PDE7A: variants seen among roughly 807,000 people sequenced by gnomAD.
PDE7A encodes the protein phosphodiesterase 7A, also known as high affinity 3',5'-cyclic-AMP phosphodiesterase 7A.
PDE7A carries 39 observed loss-of-function variants against 64.3 expected under a neutral mutation model. The observed-to-expected ratio is 0.61, with a 90% confidence interval of 0.47 to 0.79. The LOEUF (loss-of-function observed/expected upper bound fraction) is 0.79. Among genes scored for constraint, PDE7A ranks in the 30% least tolerant of loss-of-function variants. The pLI is 0.00. For missense variants in PDE7A, 470 were observed against 582.8 expected (o/e 0.81, Z 1.99); for synonymous variants, 203 against 206.8 (o/e 0.98, Z 0.16).
intron 1 of PDE7A, among the ~76,000 whole-genome samples, chr8:65,783,176 C>T (rs1234489873): frequency 6.6e-6 from 1 of 152,054 alleles, no homozygotes; most frequent in African/African-American, 2.4e-5. Context: ...ATAGGAGTTG[C>T]CAAATATTAA....
Position 65,841,943 on chromosome 8 carries a change from C to A in PDE7A, c.-435G>T. 4.1e-6 allele frequency: 1 copy of A among 243,720 alleles called. No individual in the cohort carries two copies. Among genetic ancestry groups the A allele is most frequent in the South Asian group, 4.4e-5 (1 of 22,912 alleles). The allele number at this position is 243,720 out of a possible 1,614,324, so 15.1% of individuals were successfully genotyped here. On this transcript the variant is annotated 5_prime_UTR_variant, in exon 1 of 13. Transcript: ENST00000401827. The stretch of plus-strand genomic sequence containing the variant: ...GGCCAGACCCAGGGCGCGCGGGACT[C>A]AGGAGCAGCGACCAGCTCGGGCCGC...
At position 65,715,876 on chromosome 8, in the gene PDE7A, G is replaced by A. The variant is rs527950054; in HGVS notation, c.*3414C>T. On this transcript the variant is annotated 3_prime_UTR_variant, in exon 13 of 13. Coordinates refer to ENST00000401827, the MANE Select transcript of PDE7A (RefSeq NM_001242318.3). ...GGTGGCGGGCGCCTGTAGTCCCAGC[G>A]ACCTGGGAGACTGAGGCAGGAGAAT... Among the ~76,000 whole-genome samples the A allele has an allele frequency of 2.7e-4, 41 of 149,894 alleles. No homozygotes were observed. The highest frequency in any genetic ancestry group is 4.2e-4 in the South Asian group (2 of 4,730).
rs1168190421 is a variant in PDE7A, at chr8:65,724,866, G to A, written c.976C>T (p.Gln326Ter). The change falls in exon 10 of 13, where the codon CAG becomes TAG. Residue 326 changes from glutamine (Q) to a stop codon, truncating the protein, a stop_gained. Coordinates refer to ENST00000401827, the MANE Select transcript of PDE7A (RefSeq NM_001242318.3). LOFTEE classifies it high-confidence loss of function. ...ALILATDISRQNEYLSLFRSH... is the reference protein window; with the variant it reads ...ALILATDISR ...CTAAACAAAGACAGATACTCATTCT[G>A]GCGACTGATGTCTGTGGCTAGTATC... The A allele has an allele frequency of 1.2e-6, 2 of 1,610,416 alleles. No homozygotes were observed. Among genetic ancestry groups the A allele is most frequent in the Non-Finnish European group, 1.7e-6 (2 of 1,177,228 alleles).
At chr8:65,750,494 G>GTC (rs1563487004) in intron 3 of PDE7A, among the ~76,000 whole-genome samples, 1 of 144,770 alleles carries the variant, frequency 6.9e-6, no homozygotes, top group Non-Finnish European at 1.5e-5. Flanking sequence ...GTGTGTGTGT[G>GTC]TGTGTGTGTC....
rs967417164 is a variant in PDE7A, at chr8:65,714,639, T to C, written c.*4651A>G. 6.6e-6 allele frequency: 1 copy of C among 152,334 alleles called. No homozygotes were observed. The highest frequency in any genetic ancestry group is 2.4e-5 in the African/African-American group (1 of 41,584). 9.4% of individuals were successfully genotyped at this position (152,334 alleles called of 1,614,324 possible). Reference sequence around the variant, plus strand: ...AGCAATACTGAATTCCTATTAGCTATTGGTCACTGTGTATTTTCTCAATCA... The same window carrying C: ...AGCAATACTGAATTCCTATTAGCTACTGGTCACTGTGTATTTTCTCAATCA... On this transcript the variant is annotated 3_prime_UTR_variant, in exon 13 of 13. Coordinates refer to ENST00000401827, the MANE Select transcript of PDE7A (RefSeq NM_001242318.3).
intron 3 of PDE7A, among the ~76,000 whole-genome samples, chr8:65,766,763 G>T (rs765551206): frequency 2.0e-5 from 3 of 152,204 alleles, no homozygotes; most frequent in Non-Finnish European, 2.9e-5. Flanking sequence ...TCAGTCAGGA[G>T]ACCAAACAGG....
chr8:65,768,247 A>C (rs1243674468), intron 3 of PDE7A, among the ~76,000 whole-genome samples: 2 of 152,138 alleles, frequency 1.3e-5, no homozygotes, highest in Non-Finnish European at 2.9e-5. Context: ...AAAATATTCC[A>C]AATCTCTTAA....
intron 11 of PDE7A, 132 bp from the exon 12 acceptor site, chr8:65,723,753 A>G (rs1429917706): frequency 3.6e-6 from 2 of 554,708 alleles, no homozygotes; most frequent in East Asian, 7.3e-5. Flanking sequence ...CAGCTTCGCA[A>G]TTAGTTCTTT....
intron 1 of PDE7A, among the ~76,000 whole-genome samples, chr8:65,827,532 A>C (rs955814818): frequency 6.6e-6 from 1 of 152,182 alleles, no homozygotes; most frequent in African/African-American, 2.4e-5. Flanking sequence ...TTCATTTTTC[A>C]TTAAGAATGC....
intron 1 of PDE7A, among the ~76,000 whole-genome samples, chr8:65,783,933 G>A (rs1028377523): frequency 6.6e-6 from 1 of 152,072 alleles, no homozygotes; most frequent in Admixed American, 6.5e-5. Context: ...TGGAGGCAGG[G>A]TTTTCAGTCA....
chr8:65,727,474 T>G, intron 7 of PDE7A, 173 bp from the exon 8 acceptor site: 1 of 793,354 alleles, frequency 1.3e-6, no homozygotes, highest in Non-Finnish European at 1.9e-6. Context: ...CAGGTCCTGA[T>G]CTCATCACCA....
intron 11 of PDE7A, 71 bp from the exon 12 acceptor site, chr8:65,723,692 A>C: frequency 9.4e-7 from 1 of 1,065,546 alleles, no homozygotes; most frequent in Non-Finnish European, 1.3e-6. Context: ...TAAAGGCTTG[A>C]ACATACCTGT....
At position 65,727,495 on chromosome 8, in the gene PDE7A, G is replaced by C; in HGVS notation, c.697-194C>G. The C allele has an allele frequency of 4.9e-6, 3 of 611,472 alleles. No homozygotes were observed. In the South Asian group the frequency reaches 7.9e-5, roughly 16 times the overall value. The allele number at this position is 611,472 out of a possible 1,614,324, so 37.9% of individuals were successfully genotyped here. On this transcript the variant is annotated intron_variant, in intron 7 of 12. Coordinates refer to ENST00000401827, the MANE Select transcript of PDE7A (RefSeq NM_001242318.3). ...CTGATCTCATCACCACACTGGCAAA[G>C]CCATGATACAACAGTGGCCCTGCCC... is the stretch of plus-strand genomic sequence containing the variant.
At chr8:65,835,967 T>A (rs1328764396) in intron 1 of PDE7A, among the ~76,000 whole-genome samples, 1 of 152,212 alleles carries the variant, frequency 6.6e-6, no homozygotes, top group African/African-American at 2.4e-5. Flanking sequence ...GTATCTGAAA[T>A]ATAAACATAT....
intron 1 of PDE7A, among the ~76,000 whole-genome samples, chr8:65,814,963 C>T (rs929688884): frequency 6.6e-6 from 1 of 152,050 alleles, no homozygotes; most frequent in Admixed American, 6.6e-5. Flanking sequence ...CACCTGTAAT[C>T]CCAGCTACTC....
chr8:65,841,527 C>G lies in PDE7A; in HGVS notation c.-19G>C. The G allele has an allele frequency of 6.9e-7, 1 of 1,448,526 alleles. No homozygotes were observed. Among genetic ancestry groups the G allele is most frequent in the Non-Finnish European group, 9.1e-7 (1 of 1,103,906 alleles). The allele number at this position is 1,448,526 out of a possible 1,614,324, so 89.7% of individuals were successfully genotyped here. ...CTTCCATTGAATACGCCCGCCCTGCCTCCGCGCGGCGCCCGCCCTGCCGCG... is the reference window on the plus strand; with the variant it reads ...CTTCCATTGAATACGCCCGCCCTGCGTCCGCGCGGCGCCCGCCCTGCCGCG... On this transcript the variant is annotated 5_prime_UTR_variant, in exon 1 of 13. Transcript: ENST00000401827.
intron 3 of PDE7A, among the ~76,000 whole-genome samples, chr8:65,760,895 A>G (rs549090666): frequency 6.6e-6 from 1 of 151,628 alleles, no homozygotes; most frequent in East Asian, 1.9e-4. Flanking sequence ...AAGGATATCA[A>G]GCTGAATAAT....
At chr8:65,754,069 G>A (rs2128910032) in intron 3 of PDE7A, among the ~76,000 whole-genome samples, 1 of 152,230 alleles carries the variant, frequency 6.6e-6, no homozygotes, top group Admixed American at 6.5e-5. Flanking sequence ...GCATCTGCAA[G>A]CTGAGGAGCA....
chr8:65,718,666 A>G lies in PDE7A; in HGVS notation c.*624T>C, dbSNP rs1353603542. The stretch of plus-strand genomic sequence containing the variant: ...TTTCCAGTGCATGAAATAAAACTAT[A>G]GCAAATGGGAGGCTTTGGTGGCATC... On this transcript the variant is annotated 3_prime_UTR_variant, in exon 13 of 13. Coordinates refer to ENST00000401827, the MANE Select transcript of PDE7A (RefSeq NM_001242318.3). The G allele has an allele frequency of 6.5e-6, 1 of 152,772 alleles. No individual in the cohort carries two copies. The highest frequency in any genetic ancestry group is 1.5e-5 in the Non-Finnish European group (1 of 68,456). 9.5% of individuals were successfully genotyped at this position (152,772 alleles called of 1,614,324 possible).
Sources: gnomAD v4.1 joint callset for allele counts (sites outside exome capture counted in the v4.1 genomes callset) on GRCh38, gnomAD v4.1.1 for gene constraint, MANE v1.5 for transcripts, NCBI Gene and HGNC (gene_info 2026-07-23, HGNC 2026-07-21) for gene names.